Variants in AKAP19 observed in about 807,000 individuals in gnomAD.
AKAP19 encodes the protein A-kinase anchoring protein 19, also known as small A-kinase anchoring protein.
chr2:190,162,156 G>C, the AKAP19 span, among the ~76,000 whole-genome samples: 1 of 152,022 alleles, frequency 6.6e-6, no homozygotes, highest in Non-Finnish European at 1.5e-5. Context: ...TGACTATCTA[G>C]TAGAGTAGAA....
At chr2:190,031,140 T>G in the AKAP19 span, among the ~76,000 whole-genome samples, 2 of 152,186 alleles carry the variant, frequency 1.3e-5, no homozygotes. Context: ...ATGGGTACTT[T>G]AGGCAGAAGG....
At chr2:189,955,079 T>G in the AKAP19 span, among the ~76,000 whole-genome samples, 1 of 152,136 alleles carries the variant, frequency 6.6e-6, no homozygotes, top group Non-Finnish European at 1.5e-5. Context: ...TAGGATCATG[T>G]TTCATCTGTA....
the AKAP19 span, among the ~76,000 whole-genome samples, chr2:190,009,198 C>A: frequency 5.3e-5 from 8 of 152,020 alleles, no homozygotes; most frequent in African/African-American, 1.9e-4. Flanking sequence ...TTGTAGAGGA[C>A]TTTGTCTTTT....
chr2:189,985,547 C>T, the AKAP19 span, among the ~76,000 whole-genome samples: 3 of 152,120 alleles, frequency 2.0e-5, no homozygotes, highest in Non-Finnish European at 4.4e-5. Context: ...TGAGAGTGGC[C>T]TCTAAGAGCT....
chr2:189,931,355 C>T, the AKAP19 span, among the ~76,000 whole-genome samples: 1 of 151,994 alleles, frequency 6.6e-6, no homozygotes, highest in Non-Finnish European at 1.5e-5. Context: ...AACTTTGATG[C>T]AATATTGTTA....
At chr2:190,003,555 T>A in the AKAP19 span, among the ~76,000 whole-genome samples, 2 of 152,172 alleles carry the variant, frequency 1.3e-5, no homozygotes, top group East Asian at 1.9e-4. Context: ...CTTGCTTTTT[T>A]AAAATTAATA....
chr2:190,165,423 C>T, the AKAP19 span, among the ~76,000 whole-genome samples: 4 of 151,880 alleles, frequency 2.6e-5, no homozygotes, highest in Admixed American at 6.6e-5. Flanking sequence ...GACAACAGAA[C>T]GAGACTCCAT....
chr2:189,927,472 C>A, the AKAP19 span, among the ~76,000 whole-genome samples: 7 of 152,106 alleles, frequency 4.6e-5, no homozygotes, highest in Non-Finnish European at 8.8e-5. Context: ...TGCAGCTATT[C>A]TTTTCTTTTT....
At chr2:190,118,949 G>A in the AKAP19 span, among the ~76,000 whole-genome samples, 8 of 152,324 alleles carry the variant, frequency 5.3e-5, no homozygotes, top group African/African-American at 1.9e-4. Flanking sequence ...CAGATGACAG[G>A]ATTGTATATC....
chr2:190,013,142 A>G, the AKAP19 span, among the ~76,000 whole-genome samples: 2 of 152,208 alleles, frequency 1.3e-5, no homozygotes, highest in Non-Finnish European at 2.9e-5. Context: ...GTTTGAAAAT[A>G]ATCCATCTTC....
chr2:189,953,634 C>CAAAAA, the AKAP19 span, among the ~76,000 whole-genome samples: 65 of 72,712 alleles, frequency 8.9e-4, no homozygotes, highest in African/African-American at 2.5e-3. Flanking sequence ...AACTCCATCT[C>CAAAAA]AAAAAAAAAA....
the AKAP19 span, among the ~76,000 whole-genome samples, chr2:190,185,750 T>C: frequency 5.5e-4 from 84 of 152,378 alleles, no homozygotes; most frequent in African/African-American, 1.9e-3. Context: ...GTCTATCATC[T>C]AATTGTTCAA....
the AKAP19 span, among the ~76,000 whole-genome samples, chr2:190,094,360 G>A: frequency 1.2e-4 from 18 of 152,180 alleles, 1 homozygote; most frequent in Admixed American, 1.2e-3. Flanking sequence ...CTATGAGGCT[G>A]ATACTGTTAC....
the AKAP19 span, among the ~76,000 whole-genome samples, chr2:190,114,242 T>C: frequency 5.9e-3 from 892 of 152,362 alleles, 14 homozygotes; most frequent in African/African-American, 0.02. Flanking sequence ...GGTTTATTTG[T>C]AGTAATTTCT....
At chr2:190,130,853 C>A in the AKAP19 span, among the ~76,000 whole-genome samples, 3 of 152,106 alleles carry the variant, frequency 2.0e-5, no homozygotes, top group Non-Finnish European at 2.9e-5. Context: ...CTCATTGTTT[C>A]TTTAAATCTA....
the AKAP19 span, among the ~76,000 whole-genome samples, chr2:189,908,797 T>G: frequency 6.6e-6 from 1 of 152,222 alleles, no homozygotes; most frequent in Non-Finnish European, 1.5e-5. Flanking sequence ...CTTAAGAATA[T>G]TCCATGTGTA....
chr2:189,926,627 C>G, the AKAP19 span, among the ~76,000 whole-genome samples: 26 of 127,052 alleles, frequency 2.0e-4, no homozygotes, highest in African/African-American at 6.8e-4. Flanking sequence ...GTCGCCCAGG[C>G]TGGAGTGCAG....
the AKAP19 span, chr2:189,923,637 C>A: frequency 6.2e-7 from 1 of 1,614,094 alleles, no homozygotes; most frequent in South Asian, 1.1e-5. Flanking sequence ...AAACGATCTG[C>A]AGCGGAGATG....
At chr2:190,036,702 G>A in the AKAP19 span, among the ~76,000 whole-genome samples, 1 of 152,064 alleles carries the variant, frequency 6.6e-6, no homozygotes, top group Non-Finnish European at 1.5e-5. Flanking sequence ...TTGGTATCGT[G>A]TAGAATAGAC....
Sources: gnomAD v4.1 joint callset for allele counts (sites outside exome capture counted in the v4.1 genomes callset) on GRCh38, gnomAD v4.1.1 for gene constraint, MANE v1.5 for transcripts, NCBI Gene and HGNC (gene_info 2026-07-23, HGNC 2026-07-21) for gene names.